Variants in NLN observed in about 807,000 individuals in gnomAD.
NLN encodes the protein neurolysin, mitochondrial.
Under a neutral mutation model 79.9 loss-of-function variants are expected in NLN, and 64 were observed. The ratio of observed to expected loss-of-function variants is 0.80; its 90% confidence interval spans 0.65 to 0.99. The LOEUF is 0.99. Among genes scored for constraint, NLN ranks in the 50% least tolerant of loss-of-function variants. NLN has a pLI of 0.00. For missense variants in NLN, 835 were observed against 858.7 expected (o/e 0.97, Z 0.34); for synonymous variants, 267 against 296.6 (o/e 0.90, Z 1.02).
intron 1 of NLN, among the ~76,000 whole-genome samples, chr5:65,734,711 T>A (rs1758689309): frequency 6.6e-6 from 1 of 152,218 alleles, no homozygotes; most frequent in Admixed American, 6.5e-5. Context: ...TATTTCTGCC[T>A]CACATCTCAG....
At position 65,824,049 on chromosome 5, in the gene NLN, G is replaced by C. The variant is rs894010315; in HGVS notation, c.*1134G>C. 1.3e-5 allele frequency: 2 copies of C among 151,954 alleles called. No individual in the cohort carries two copies. Among genetic ancestry groups the C allele is most frequent in the Non-Finnish European group, 2.9e-5 (2 of 67,998 alleles). The allele number at this position is 151,954 out of a possible 1,614,324, so 9.4% of individuals were successfully genotyped here. A position where few individuals can be genotyped will look rare whatever the true frequency, so the allele number is the denominator to read the frequency against. ...CTATCTTTAACTCTCTTTATTGTGA[G>C]TCTAAATTCCAATTCTGCAGCAGAT... On this transcript the variant is annotated 3_prime_UTR_variant, in exon 13 of 13. Transcript: ENST00000380985.
chr5:65,809,741 C>A (rs1054500430), intron 10 of NLN, 40 bp downstream of exon 10: 6 of 1,442,664 alleles, frequency 4.2e-6, no homozygotes, highest in Admixed American at 4.5e-5. Flanking sequence ...AAATTAGAAT[C>A]TCTTAATGTA....
chr5:65,811,089 T>C (rs1760534683), intron 11 of NLN, among the ~76,000 whole-genome samples: 1 of 152,246 alleles, frequency 6.6e-6, no homozygotes, highest in Non-Finnish European at 1.5e-5. Flanking sequence ...TTTATGGGAC[T>C]CATGCATGGG....
intron 9 of NLN, chr5:65,793,227 C>G (rs761241796): frequency 2.1e-5 from 4 of 194,334 alleles, no homozygotes; most frequent in Non-Finnish European, 3.2e-5. Flanking sequence ...TTATTCTCAA[C>G]TTTGTAATAC....
intron 9 of NLN, among the ~76,000 whole-genome samples, chr5:65,797,360 G>T (rs989719401): frequency 1.3e-5 from 2 of 152,218 alleles, no homozygotes; most frequent in African/African-American, 4.8e-5. Context: ...TTCAAATTGT[G>T]TGACATGAAA....
At chr5:65,785,934 T>C (rs774652825) in intron 7 of NLN, 24 bp downstream of exon 7, 1 of 1,606,172 alleles carries the variant, frequency 6.2e-7, no homozygotes, top group East Asian at 2.2e-5. Flanking sequence ...TTTTTTTCTA[T>C]GACTGTTTTG....
At chr5:65,758,858 C>T (rs1267147196) in intron 2 of NLN, 32 bp downstream of exon 2, 1 of 1,576,038 alleles carries the variant, frequency 6.3e-7, no homozygotes, top group Non-Finnish European at 8.7e-7. Flanking sequence ...ATCAGTGTTT[C>T]ACTTTGTGGA....
chr5:65,737,958 G>A (rs899577361), intron 1 of NLN, among the ~76,000 whole-genome samples: 8 of 151,886 alleles, frequency 5.3e-5, no homozygotes, highest in Admixed American at 2.6e-4. Context: ...TGGCAAAGCC[G>A]TATCTCTACA....
chr5:65,741,867 A>G (rs1488724129), intron 1 of NLN, among the ~76,000 whole-genome samples: 1 of 152,188 alleles, frequency 6.6e-6, no homozygotes, highest in East Asian at 1.9e-4. Flanking sequence ...ATGTATAATC[A>G]ATTTATTTAG....
chr5:65,747,750 C>G (rs1759016176), intron 1 of NLN, among the ~76,000 whole-genome samples: 1 of 152,108 alleles, frequency 6.6e-6, no homozygotes, highest in South Asian at 2.1e-4. Flanking sequence ...AGGAAGGGGC[C>G]CACACAGATT....
intron 10 of NLN, 117 bp from the exon 11 acceptor site, chr5:65,809,920 C>T (rs1760506347): frequency 8.3e-7 from 1 of 1,202,726 alleles, no homozygotes; most frequent in Non-Finnish European, 1.2e-6. Flanking sequence ...AATGAGATGT[C>T]CTGCTCCCAT....
intron 12 of NLN, among the ~76,000 whole-genome samples, chr5:65,820,934 T>C (rs1760778761): frequency 8.7e-6 from 1 of 115,118 alleles, no homozygotes; most frequent in African/African-American, 3.5e-5. Context: ...TCTCACTTAC[T>C]TGGAGGCTGA....
At chr5:65,785,742 A>G (rs747763952) in intron 6 of NLN, 33 bp from the exon 7 acceptor site, 7 of 1,584,812 alleles carry the variant, frequency 4.4e-6, no homozygotes, top group African/African-American at 1.3e-5. Context: ...ATTATTGATT[A>G]GCCTTTATTT....
intron 8 of NLN, among the ~76,000 whole-genome samples, chr5:65,789,509 G>T (rs1760009331): frequency 6.6e-6 from 1 of 152,166 alleles, no homozygotes; most frequent in Non-Finnish European, 1.5e-5. Context: ...AGACATGGTG[G>T]CTCACACCTG....
intron 1 of NLN, among the ~76,000 whole-genome samples, chr5:65,730,695 T>G (rs957865656): frequency 2.0e-5 from 3 of 152,114 alleles, no homozygotes; most frequent in African/African-American, 4.8e-5. Context: ...TAGCTGGGAT[T>G]ACAGGCACCC....
At chr5:65,780,147 G>A (rs1387444205) in intron 4 of NLN, 32 bp from the exon 5 acceptor site, 2 of 877,248 alleles carry the variant, frequency 2.3e-6, no homozygotes, top group Non-Finnish European at 3.8e-6. Context: ...TCTTTTTATT[G>A]CTAATGCCCT....
At position 65,722,430 on chromosome 5, in the gene NLN, G is replaced by T; in HGVS notation, c.41+16G>T. ...GCCTCCGCAGGTACCTCCAGCGCGCGGGTTAACCTTGGCCGTGGGCAGGGC... is the reference window on the plus strand; with the variant it reads ...GCCTCCGCAGGTACCTCCAGCGCGCTGGTTAACCTTGGCCGTGGGCAGGGC... On this transcript the variant is annotated intron_variant, in intron 1 of 12. Coordinates refer to ENST00000380985, the MANE Select transcript of NLN (RefSeq NM_020726.5). 6.3e-7 allele frequency: 1 copy of T among 1,580,250 alleles called. No homozygotes were observed. The highest frequency in any genetic ancestry group is 2.4e-5 in the East Asian group (1 of 41,882).
chr5:65,783,786 G>A (rs1331271759), intron 6 of NLN, among the ~76,000 whole-genome samples: 2 of 151,540 alleles, frequency 1.3e-5, no homozygotes, highest in Non-Finnish European at 1.5e-5. Context: ...GCAGTCTAGA[G>A]AGAAGATCTG....
chr5:65,786,038 C>A, intron 7 of NLN, 128 bp downstream of exon 7: 1 of 787,454 alleles, frequency 1.3e-6, no homozygotes, highest in Non-Finnish European at 2.0e-6. Context: ...ATATTGATCA[C>A]CTATTAAGTG....
Sources: gnomAD v4.1 joint callset for allele counts (sites outside exome capture counted in the v4.1 genomes callset) on GRCh38, gnomAD v4.1.1 for gene constraint, MANE v1.5 for transcripts, NCBI Gene and HGNC (gene_info 2026-07-23, HGNC 2026-07-21) for gene names.